The following RSBN1 variants were observed in gnomAD, a reference collection of about 807,000 sequenced individuals.
The protein encoded by RSBN1 is lysine-specific demethylase 9.
In RSBN1, 23 loss-of-function variants were observed where a neutral mutation model predicts 74.8. The ratio of observed to expected loss-of-function variants is 0.31; its 90% confidence interval spans 0.22 to 0.44. RSBN1 has a LOEUF of 0.44. Ranked by LOEUF, RSBN1 falls within the 20% of genes least tolerant of loss-of-function variation. RSBN1 has a pLI of 1.00. For missense variants in RSBN1, 808 were observed against 1,020.9 expected (o/e 0.79, Z 2.84); for synonymous variants, 407 against 379.6 (o/e 1.07, Z -0.84).
chr1:113,786,758 T>C (rs559028847), intron 2 of RSBN1, among the ~76,000 whole-genome samples: 32 of 152,090 alleles, frequency 2.1e-4, no homozygotes, highest in Admixed American at 3.9e-4. Context: ...ATCACTTGAG[T>C]CCAGGAGTTC....
Position 113,777,776 on chromosome 1 carries a change from T to C in RSBN1, c.1410A>G (p.Arg470=), listed in dbSNP as rs755094025. ...VNRTYCCGTY[R]AGPMRQISLV... is the part of the protein sequence containing the mutation. ...GACTTATCTGCCGCATAGGACCTGCTCGGTAGGTGCCACAGCAGTATGTCC... is the reference window on the plus strand; with the variant it reads ...GACTTATCTGCCGCATAGGACCTGCCCGGTAGGTGCCACAGCAGTATGTCC... Residue 470 remains arginine (R), a synonymous_variant, in exon 3 of 7, where the codon CGA becomes CGG. Transcript: ENST00000261441. 2 of 1,606,674 alleles carry C rather than the reference T, an allele frequency of 1.2e-6. No homozygotes were observed. The highest frequency in any genetic ancestry group is 2.2e-5 in the East Asian group (1 of 44,776).
chr1:113,806,027 C>T (rs956372878), intron 1 of RSBN1, among the ~76,000 whole-genome samples: 1 of 152,100 alleles, frequency 6.6e-6, no homozygotes, highest in Non-Finnish European at 1.5e-5. Context: ...GCTACAAGGT[C>T]GTTCCAACTA....
intron 1 of RSBN1, among the ~76,000 whole-genome samples, chr1:113,809,548 G>A (rs150168041): frequency 2.0e-5 from 3 of 152,328 alleles, no homozygotes; most frequent in African/African-American, 7.2e-5. Flanking sequence ...TAAAATGCCA[G>A]TTTGCCAATT....
chr1:113,810,861 T>C (rs1036327687), intron 1 of RSBN1, among the ~76,000 whole-genome samples: 1 of 152,184 alleles, frequency 6.6e-6, no homozygotes, highest in Non-Finnish European at 1.5e-5. Flanking sequence ...AGAATATAAA[T>C]AAATGCTACA....
chr1:113,775,081 G>C (rs1049778109), intron 4 of RSBN1, among the ~76,000 whole-genome samples: 3 of 151,220 alleles, frequency 2.0e-5, no homozygotes, highest in Non-Finnish European at 4.4e-5. Flanking sequence ...CTTGAGTGGA[G>C]TGGCACAATC....
chr1:113,800,945 T>C (rs1488100709), intron 1 of RSBN1, among the ~76,000 whole-genome samples: 1 of 151,678 alleles, frequency 6.6e-6, no homozygotes, highest in East Asian at 1.9e-4. Context: ...AAATATGAAG[T>C]AAATTTCAAT....
chr1:113,792,136 T>C (rs1285143601), intron 2 of RSBN1, among the ~76,000 whole-genome samples: 4 of 152,142 alleles, frequency 2.6e-5, no homozygotes, highest in Non-Finnish European at 5.9e-5. Context: ...AACCTCAAAA[T>C]TATATATGAA....
intron 4 of RSBN1, among the ~76,000 whole-genome samples, chr1:113,774,772 A>G (rs1659986405): frequency 6.6e-6 from 1 of 151,870 alleles, no homozygotes; most frequent in Admixed American, 6.6e-5. Flanking sequence ...TGGGAGGATC[A>G]CTTGAGCCTG....
rs1393263158 is a variant in RSBN1 at position 113,762,447 on chromosome 1, C to G, written c.*3533G>C. On this transcript the variant is annotated 3_prime_UTR_variant, in exon 7 of 7. Coordinates refer to ENST00000261441, the MANE Select transcript of RSBN1 (RefSeq NM_018364.5). ...CTGTGCATTTCCTCTACTTGCATGGCCAATAAATACAGCTACGACCTGTTT... is the reference window on the plus strand; with the variant it reads ...CTGTGCATTTCCTCTACTTGCATGGGCAATAAATACAGCTACGACCTGTTT... 1 of 152,392 alleles carries G rather than the reference C, an allele frequency of 6.6e-6. No individual in the cohort carries two copies. The highest frequency in any genetic ancestry group is 1.5e-5 in the Non-Finnish European group (1 of 68,002). The allele number at this position is 152,392 out of a possible 1,614,324, so 9.4% of individuals were successfully genotyped here. A position where few individuals can be genotyped will look rare whatever the true frequency, so the allele number is the denominator to read the frequency against.
At chr1:113,797,125 C>T (rs1282006044) in intron 2 of RSBN1, among the ~76,000 whole-genome samples, 4 of 152,144 alleles carry the variant, frequency 2.6e-5, no homozygotes, top group Non-Finnish European at 5.9e-5. Context: ...AGCTAGTTTT[C>T]CATAAAGATT....
In RSBN1 at chr1:113,761,991, T is replaced by C. The variant is rs969619166; in HGVS notation, c.*3989A>G. Reference sequence around the variant, plus strand: ...TGTTAAAAGGATTATTCACACAAATTTAGATTTAAGACTATTCATTAAAAA... The same window carrying C: ...TGTTAAAAGGATTATTCACACAAATCTAGATTTAAGACTATTCATTAAAAA... On this transcript the variant is annotated 3_prime_UTR_variant, in exon 7 of 7. Coordinates refer to ENST00000261441, the MANE Select transcript of RSBN1 (RefSeq NM_018364.5). 2.0e-5 allele frequency: 3 copies of C among 152,768 alleles called. No individual in the cohort carries two copies. Among genetic ancestry groups the C allele is most frequent in the Admixed American group, 6.5e-5 (1 of 15,280 alleles). 9.5% of individuals were successfully genotyped at this position (152,768 alleles called of 1,614,324 possible).
chr1:113,779,267 A>G (rs1247356190), intron 2 of RSBN1, among the ~76,000 whole-genome samples: 2 of 152,212 alleles, frequency 1.3e-5, no homozygotes, highest in Non-Finnish European at 2.9e-5. Flanking sequence ...ACCATCTAGG[A>G]TATCTTACCA....
At chr1:113,769,199 C>G (rs1264503607) in intron 4 of RSBN1, among the ~76,000 whole-genome samples, 1 of 152,150 alleles carries the variant, frequency 6.6e-6, no homozygotes, top group Admixed American at 6.5e-5. Flanking sequence ...TAAAAACCCT[C>G]ACCCCCAAAC....
intron 4 of RSBN1, 69 bp downstream of exon 4, chr1:113,777,140 TG>T (rs1660048544): frequency 7.1e-7 from 1 of 1,417,230 alleles, no homozygotes; most frequent in African/African-American, 1.4e-5. Context: ...GTTTTCAAAC[TG>T]TGCTCATTTT....
chr1:113,785,282 C>T (rs1290222934), intron 2 of RSBN1, among the ~76,000 whole-genome samples: 4 of 152,272 alleles, frequency 2.6e-5, no homozygotes, highest in Admixed American at 6.5e-5. Flanking sequence ...ATAACACTCA[C>T]GGAGCTATCA....
chr1:113,807,187 G>A (rs1039883670), intron 1 of RSBN1, among the ~76,000 whole-genome samples: 7 of 151,674 alleles, frequency 4.6e-5, no homozygotes, highest in African/African-American at 1.5e-4. Flanking sequence ...GGTGGCAGAT[G>A]CCTGTAATCA....
At chr1:113,778,397 A>G (rs1660072632) in intron 2 of RSBN1, among the ~76,000 whole-genome samples, 1 of 151,416 alleles carries the variant, frequency 6.6e-6, no homozygotes, top group South Asian at 2.1e-4. Context: ...CTCCCAATTC[A>G]AGCAATTCTC....
Position 113,797,822 on chromosome 1 carries a change from CTTA to C in RSBN1, c.915_917del (p.Asn305del), listed in dbSNP as rs1197095853. 3 of 1,613,804 alleles carry C rather than the reference CTTA, an allele frequency of 1.9e-6. No individual in the cohort carries two copies. Among genetic ancestry groups the C allele is most frequent in the African/African-American group, 1.3e-5 (1 of 74,880 alleles). ...CATCTTTCAGATACCTGAAGGACTC[CTTA>C]TTAAGTCCTGAAGTGCTATTTATTT... On this transcript the variant is annotated inframe_deletion, in exon 2 of 7. Coordinates refer to ENST00000261441, the MANE Select transcript of RSBN1 (RefSeq NM_018364.5).
At chr1:113,786,574 A>T (rs375130165) in intron 2 of RSBN1, among the ~76,000 whole-genome samples, 1 of 152,238 alleles carries the variant, frequency 6.6e-6, no homozygotes, top group East Asian at 1.9e-4. Context: ...AGGGGCCACA[A>T]GCTAGGAAAT....
Sources: allele counts gnomAD v4.1 joint callset (sites outside exome capture counted in the v4.1 genomes callset), GRCh38; gene constraint gnomAD v4.1.1; transcripts MANE v1.5; gene names NCBI Gene and HGNC (gene_info 2026-07-23, HGNC 2026-07-21).